The following UGT3A1 variants were observed in gnomAD, a reference collection of about 807,000 sequenced individuals.
UGT3A1 encodes UDP glycosyltransferase family 3 member A1.
In UGT3A1, 40 loss-of-function variants were observed where a neutral mutation model predicts 37.6. The ratio of observed to expected loss-of-function variants is 1.06; its 90% CI spans 0.83 to 1.38. The LOEUF (loss-of-function observed/expected upper bound fraction) is 1.38, where lower values mean the gene tolerates loss of function less well. Among genes scored for constraint, UGT3A1 ranks in the 40% most tolerant of loss-of-function variants. The probability of loss-of-function intolerance (pLI) is 0.00; values close to 1 mark genes in which losing one functional copy is unlikely to be tolerated. For missense variants in UGT3A1, 642 were observed against 634.2 expected (o/e 1.01, Z -0.13); for synonymous variants, 256 against 232.3 (o/e 1.10, Z -0.93).
intron 1 of UGT3A1, 150 bp from the exon 2 acceptor site, chr5:35,988,701 G>C (rs1165808977): frequency 4.9e-6 from 3 of 609,462 alleles, no homozygotes; most frequent in African/African-American, 3.7e-5. Flanking sequence ...AGCGCTTCCT[G>C]TTCCTCAATC....
chr5:35,962,279 T>C (rs1245987764), intron 4 of UGT3A1: 5 of 152,396 alleles, frequency 3.3e-5, no homozygotes, highest in African/African-American at 1.2e-4. Flanking sequence ...ATGTGAAAAC[T>C]TGCCAAAAAT....
Position 35,965,816 on chromosome 5 carries a change from T to A in UGT3A1, c.413A>T (p.Asn138Ile), listed in dbSNP as rs780992050. Reference sequence around the variant, plus strand: ...TGCTTCAACAAATACCAGATCATAGTTCTCATTCTTTAAGGAATCCATTAT... The same window carrying A: ...TGCTTCAACAAATACCAGATCATAGATCTCATTCTTTAAGGAATCCATTAT... ...KDIMDSLKNE[N>I]YDLVFVEAFD... The change falls in exon 4 of 7, where the codon AAC becomes ATC. Residue 138 changes from asparagine (N) to isoleucine (I), a missense_variant. Physicochemically the swap from Asn to Ile is moderately radical, Grantham distance 149. Coordinates refer to ENST00000274278, the MANE Select transcript of UGT3A1 (RefSeq NM_152404.4). 2.5e-6 allele frequency: 4 copies of A among 1,614,136 alleles called. No homozygotes were observed. In the South Asian group the frequency reaches 4.4e-5, roughly 18 times the overall value.
At chr5:35,978,846 A>G (rs752215537) in intron 2 of UGT3A1, among the ~76,000 whole-genome samples, 4 of 152,198 alleles carry the variant, frequency 2.6e-5, no homozygotes, top group Non-Finnish European at 5.9e-5. Context: ...TGAGCCTGTA[A>G]AATCAAAAGC....
chr5:35,954,271 C>T lies in UGT3A1; in HGVS notation c.1503G>A (p.Trp501Ter), dbSNP rs1739266932. Residue 501 changes from tryptophan to a stop codon, truncating the protein, a stop_gained, in exon 7 of 7, where the codon TGG (tryptophan) becomes TGA (stop). Transcript: ENST00000274278. LOFTEE classifies it high-confidence loss of function. ...FLLGLTLGTM[W>*]LCGKLLGVVA... ...CCACACCCAGCAGCTTCCCACAAAGCCACATAGTGCCCAGAGTGAGCCCCA... is the reference window on the plus strand; with the variant it reads ...CCACACCCAGCAGCTTCCCACAAAGTCACATAGTGCCCAGAGTGAGCCCCA... 1 of 1,614,042 alleles carries T rather than the reference C, an allele frequency of 6.2e-7. No individual in the cohort carries two copies. The highest frequency in any genetic ancestry group is 1.3e-5 in the African/African-American group (1 of 74,914).
At chr5:35,983,061 G>A (rs757311473) in intron 2 of UGT3A1, among the ~76,000 whole-genome samples, 13 of 151,890 alleles carry the variant, frequency 8.6e-5, no homozygotes, top group Non-Finnish European at 1.5e-4. Context: ...CCTATACATC[G>A]TGTGGAACTG....
At chr5:35,964,512 A>G (rs1377907089) in intron 4 of UGT3A1, among the ~76,000 whole-genome samples, 1 of 152,098 alleles carries the variant, frequency 6.6e-6, no homozygotes, top group African/African-American at 2.4e-5. Context: ...CTGTTTACTC[A>G]ATATAAGATC....
chr5:35,962,127 C>T (rs1480814859), intron 4 of UGT3A1: 1 of 152,216 alleles, frequency 6.6e-6, no homozygotes, highest in Admixed American at 6.5e-5. Context: ...CAAAGCTCAT[C>T]CCCAAATCTC....
chr5:35,951,787 T>A lies in UGT3A1; in HGVS notation c.*2415A>T, dbSNP rs1160423614. On this transcript the variant is annotated 3_prime_UTR_variant, in exon 7 of 7. Coordinates refer to ENST00000274278, the MANE Select transcript of UGT3A1 (RefSeq NM_152404.4). Reference sequence around the variant, plus strand: ...CCCTATACACAGGCTATGGAAAAATTCACTTTTTCTCTTAGACTCAGCATG... The same window carrying A: ...CCCTATACACAGGCTATGGAAAAATACACTTTTTCTCTTAGACTCAGCATG... 2 of 152,214 alleles carry A rather than the reference T, an allele frequency of 1.3e-5. No individual in the cohort carries two copies. The highest frequency in any genetic ancestry group is 2.4e-5 in the African/African-American group (1 of 41,452). 9.4% of individuals were successfully genotyped at this position (152,214 alleles called of 1,614,324 possible). A position where few individuals can be genotyped will look rare whatever the true frequency, so the allele number is the denominator to read the frequency against.
At position 35,968,029 on chromosome 5, in the gene UGT3A1, A is replaced by G. The variant is rs776970410; in HGVS notation, c.301T>C (p.Leu101=). ...ATGAAAAGAAGTTACCTGCCATCCA[A>G]TGCTGTTTCTATGTAGCTATCAAAA... ...KHFDSYIETA[L]DGRKESEALV... The change falls in exon 3 of 7, where the codon TTG becomes CTG. Residue 101 remains leucine, a synonymous_variant. Coordinates refer to ENST00000274278, the MANE Select transcript of UGT3A1 (RefSeq NM_152404.4). The G allele has an allele frequency of 3.7e-6, 6 of 1,611,510 alleles. No homozygotes were observed. The highest frequency in any genetic ancestry group is 2.2e-5 in the East Asian group (1 of 44,766).
chr5:35,993,430 C>T (rs540200109), upstream of UGT3A1, among the ~76,000 whole-genome samples: 60 of 151,654 alleles, frequency 4.0e-4, no homozygotes, highest in African/African-American at 1.3e-3. Flanking sequence ...CGCCACTGCA[C>T]TCAAGCCTGG....
At chr5:35,962,961 A>C in intron 4 of UGT3A1, 1 of 702,640 alleles carries the variant, frequency 1.4e-6, no homozygotes, top group Non-Finnish European at 2.6e-6. Context: ...TCTGAAAGAC[A>C]GGGAAATAGA....
At position 35,955,685 on chromosome 5, in the gene UGT3A1, T is replaced by C; in HGVS notation, c.1255A>G (p.Thr419Ala). ...SIRLNQVTAD[T>A]LTLTMKQVIE... ...ACTTGTTTCATTGTAAGTGTCAGTG[T>C]GTCGGCTGTGACCTGATTCAACCGG... Residue 419 changes from threonine to alanine, a missense_variant, in exon 6 of 7, where the codon ACA becomes GCA. Physicochemically the swap from Thr to Ala is moderately conservative, Grantham distance 58. Coordinates refer to ENST00000274278, the MANE Select transcript of UGT3A1 (RefSeq NM_152404.4). 2 of 1,614,258 alleles carry C rather than the reference T, an allele frequency of 1.2e-6. No individual in the cohort carries two copies. Among genetic ancestry groups the C allele is most frequent in the Non-Finnish European group, 1.7e-6 (2 of 1,180,048 alleles).
At chr5:35,971,006 C>T (rs1740012924) in intron 2 of UGT3A1, among the ~76,000 whole-genome samples, 1 of 140,762 alleles carries the variant, frequency 7.1e-6, no homozygotes, top group Non-Finnish European at 1.5e-5. Flanking sequence ...CAAATATGTT[C>T]CATTCAAGGC....
At chr5:35,993,161 A>G (rs551540466), upstream of UGT3A1, among the ~76,000 whole-genome samples, 4 of 152,064 alleles carry the variant, frequency 2.6e-5, no homozygotes, top group South Asian at 8.3e-4. Context: ...GTTTTATATC[A>G]TCTTATATAA....
chr5:35,991,309 G>T lies in UGT3A1; in HGVS notation c.-69C>A. 1 of 1,602,952 alleles carries T rather than the reference G, an allele frequency of 6.2e-7. No homozygotes were observed. Among genetic ancestry groups the T allele is most frequent in the East Asian group, 2.2e-5 (1 of 44,834 alleles). On this transcript the variant is annotated 5_prime_UTR_variant, in exon 1 of 7. Transcript: ENST00000274278. ...CCCTGCGCCGGGCTAAGGACTCTGT[G>T]CGCGCCTCAGTACTCCAAAGGCACT...
At chr5:35,967,994 GC>G (rs760397643) in intron 3 of UGT3A1, 24 bp downstream of exon 3, 2 of 1,546,342 alleles carry the variant, frequency 1.3e-6, no homozygotes, top group Non-Finnish European at 1.8e-6. Flanking sequence ...GTGACTCTTT[GC>G]TTCATAGAAT....
At chr5:35,963,439 C>A (rs866556053) in intron 4 of UGT3A1, among the ~76,000 whole-genome samples, 3 of 152,108 alleles carry the variant, frequency 2.0e-5, no homozygotes, top group Non-Finnish European at 4.4e-5. Context: ...ATGGGCCCTG[C>A]CGAATTTGCA....
At position 35,958,480 on chromosome 5, in the gene UGT3A1, C is replaced by G. The variant is rs144296971; in HGVS notation, c.844-1061G>C. 4.9e-3 allele frequency among the ~76,000 whole-genome samples: 744 copies of G among 152,276 alleles called. 5 individuals carry two copies. The highest frequency in any genetic ancestry group is 0.017 in the African/African-American group (712 of 41,558). On this transcript the variant is annotated intron_variant, in intron 4 of 6. Transcript: ENST00000274278. ...CTGAACTACCATCTCAATTAACAAACTGAAAACAGCTTTGTTGTTCTTGTA... is the reference window on the plus strand; with the variant it reads ...CTGAACTACCATCTCAATTAACAAAGTGAAAACAGCTTTGTTGTTCTTGTA...
At position 35,957,349 on chromosome 5, in the gene UGT3A1, T is replaced by G; in HGVS notation, c.914A>C (p.Asn305Thr). 6.2e-7 allele frequency: 1 copy of G among 1,614,172 alleles called. No individual in the cohort carries two copies. Among genetic ancestry groups the G allele is most frequent in the Non-Finnish European group, 8.5e-7 (1 of 1,180,032 alleles). ...GAGGACTTCCTGGGACTGATGGGTG[T>G]TCAACATGGAGCCAAAGGCCACAAG... ...FVLVAFGSML[N>T]THQSQEVLKK... is the part of the protein sequence containing the mutation. The change falls in exon 5 of 7, where the codon AAC becomes ACC. Residue 305 changes from asparagine (N) to threonine (T), a missense_variant. Coordinates refer to ENST00000274278, the MANE Select transcript of UGT3A1 (RefSeq NM_152404.4).
Sources: allele counts gnomAD v4.1 joint callset (sites outside exome capture counted in the v4.1 genomes callset), GRCh38; gene constraint gnomAD v4.1.1; transcripts MANE v1.5; gene names NCBI Gene and HGNC (gene_info 2026-07-23, HGNC 2026-07-21).